PPM1L: variants seen among roughly 807,000 people sequenced by gnomAD.
The protein encoded by PPM1L is protein phosphatase 1L.
In PPM1L, 13 loss-of-function variants were observed where a neutral mutation model predicts 31.4. The ratio of observed to expected loss-of-function variants is 0.41; its 90% CI spans 0.27 to 0.66. The LOEUF (loss-of-function observed/expected upper bound fraction) is 0.66, where lower values mean the gene tolerates loss of function less well. PPM1L is among the 30% of genes least tolerant of loss of function. The pLI, the probability that PPM1L is intolerant of heterozygous loss-of-function variation, is 0.29. For missense variants in PPM1L, 326 were observed against 453.7 expected (o/e 0.72, Z 2.56); for synonymous variants, 184 against 175.4 (o/e 1.05, Z -0.39).
chr3:161,037,558 G>A (rs1718781558), intron 2 of PPM1L, among the ~76,000 whole-genome samples: 1 of 151,248 alleles, frequency 6.6e-6, no homozygotes, highest in South Asian at 2.1e-4. Flanking sequence ...GGGATTACAG[G>A]CATGCGCCAC....
chr3:160,815,580 A>G (rs917791789), intron 1 of PPM1L, among the ~76,000 whole-genome samples: 8 of 152,162 alleles, frequency 5.3e-5, no homozygotes, highest in Non-Finnish European at 1.0e-4. Flanking sequence ...TCCAGGAACA[A>G]TGATTAGCAT....
chr3:160,792,098 T>C (rs927663472), intron 1 of PPM1L, among the ~76,000 whole-genome samples: 2 of 152,160 alleles, frequency 1.3e-5, no homozygotes, highest in Non-Finnish European at 2.9e-5. Flanking sequence ...CATAATACTA[T>C]CCTTTGAGGG....
chr3:161,034,641 A>G (rs1019852384), intron 2 of PPM1L, among the ~76,000 whole-genome samples: 1 of 151,416 alleles, frequency 6.6e-6, no homozygotes, highest in South Asian at 2.1e-4. Context: ...GAGTCAAACA[A>G]TGAGAACACA....
chr3:161,057,463 A>T (rs1037888), intron 2 of PPM1L, among the ~76,000 whole-genome samples: 95,767 of 151,888 alleles, frequency 0.63, 32,521 homozygotes, highest in East Asian at 0.97. Flanking sequence ...TTCATTGTCA[A>T]CTTTATTGTT....
chr3:161,072,150 A>G lies in PPM1L; in HGVS notation c.*2993A>G, dbSNP rs995460896. On this transcript the variant is annotated 3_prime_UTR_variant, in exon 4 of 4. Coordinates refer to ENST00000498165, the MANE Select transcript of PPM1L (RefSeq NM_139245.4). Reference sequence around the variant, plus strand: ...GGGACAGCTAGGGAAATTTTTTTTAATTAATTGTATCTAAAATTCTTTCAT... The same window carrying G: ...GGGACAGCTAGGGAAATTTTTTTTAGTTAATTGTATCTAAAATTCTTTCAT... The G allele has an allele frequency of 1.3e-5, 2 of 151,350 alleles. No individual in the cohort carries two copies. The highest frequency in any genetic ancestry group is 2.9e-5 in the Non-Finnish European group (2 of 68,036). The allele number at this position is 151,350 out of a possible 1,614,324, so 9.4% of individuals were successfully genotyped here.
At chr3:161,023,360 T>C (rs886461249) in intron 2 of PPM1L, among the ~76,000 whole-genome samples, 1 of 152,138 alleles carries the variant, frequency 6.6e-6, no homozygotes, top group Non-Finnish European at 1.5e-5. Flanking sequence ...GAATCCTATA[T>C]ATGTTGTTGC....
chr3:160,885,455 T>C (rs1410411643), intron 1 of PPM1L, among the ~76,000 whole-genome samples: 1 of 152,134 alleles, frequency 6.6e-6, no homozygotes, highest in Non-Finnish European at 1.5e-5. Context: ...CAAACAGTGG[T>C]GATTGGAGAC....
chr3:160,967,163 C>T (rs953053643), intron 2 of PPM1L, among the ~76,000 whole-genome samples: 7 of 151,928 alleles, frequency 4.6e-5, no homozygotes, highest in South Asian at 4.1e-4. Context: ...ATGCTCTTCT[C>T]GTATGCCACC....
chr3:161,001,035 T>C (rs1717463383), intron 2 of PPM1L, among the ~76,000 whole-genome samples: 1 of 152,236 alleles, frequency 6.6e-6, no homozygotes, highest in South Asian at 2.1e-4. Context: ...ATTTCAAGAA[T>C]ATAACTTGAG....
chr3:160,996,046 C>T (rs1462105877), intron 2 of PPM1L, among the ~76,000 whole-genome samples: 1 of 152,172 alleles, frequency 6.6e-6, no homozygotes. Context: ...AAATGCTCAA[C>T]ATCAGTAGTG....
chr3:161,040,910 AG>A (rs1718887807), intron 2 of PPM1L, among the ~76,000 whole-genome samples: 1 of 152,224 alleles, frequency 6.6e-6, no homozygotes, highest in Non-Finnish European at 1.5e-5. Flanking sequence ...GGCCCTGCAA[AG>A]CTGTCCTTTG....
intron 1 of PPM1L, among the ~76,000 whole-genome samples, chr3:160,880,441 A>G (rs868207274): frequency 3.3e-4 from 50 of 152,252 alleles, no homozygotes; most frequent in South Asian, 2.1e-4. Flanking sequence ...CTGATTGAGT[A>G]TATATATATT....
intron 1 of PPM1L, among the ~76,000 whole-genome samples, chr3:160,771,256 C>A (rs1425166956): frequency 6.6e-6 from 1 of 151,612 alleles, no homozygotes; most frequent in Non-Finnish European, 1.5e-5. Context: ...CTTTCCGGAA[C>A]TTTTCTTTTC....
chr3:160,836,530 T>C lies in PPM1L; in HGVS notation c.399+79823T>C, dbSNP rs113532115. Among the ~76,000 whole-genome samples, 277 of 152,352 alleles carry C rather than the reference T, an allele frequency of 1.8e-3. 2 individuals are homozygous for C. Among genetic ancestry groups the C allele is most frequent in the Non-Finnish European group, 3.3e-3 (223 of 68,038 alleles). The stretch of plus-strand genomic sequence containing the variant: ...CAATTGAATTTTTCAGTCTCTAAAA[T>C]TTTGGTATCACTGACTCACAGATAC... On this transcript the variant is annotated intron_variant, in intron 1 of 3. Coordinates refer to ENST00000498165, the MANE Select transcript of PPM1L (RefSeq NM_139245.4).
chr3:160,848,621 A>G (rs1376641269), intron 1 of PPM1L, among the ~76,000 whole-genome samples: 4 of 152,096 alleles, frequency 2.6e-5, no homozygotes, highest in Non-Finnish European at 2.9e-5. Flanking sequence ...CTCCCTCTGT[A>G]GTCTCCCTGT....
chr3:161,077,229 A>C lies in PPM1L; in HGVS notation c.*8072A>C, dbSNP rs188876142. The C allele has an allele frequency of 5.3e-5, 8 of 152,344 alleles. No homozygotes were observed. Among genetic ancestry groups the C allele is most frequent in the Admixed American group, 5.2e-4 (8 of 15,304 alleles). 9.4% of individuals were successfully genotyped at this position (152,344 alleles called of 1,614,324 possible). On this transcript the variant is annotated 3_prime_UTR_variant, in exon 4 of 4. Transcript: ENST00000498165. ...CTCACATATAAGAGTAAGTGATATG[A>C]GATTGGGAATTTCTTGCCAACACTC...
chr3:160,870,682 TTA>T, intron 1 of PPM1L: 2 of 152,226 alleles, frequency 1.3e-5, no homozygotes, highest in Non-Finnish European at 2.9e-5. Flanking sequence ...ATCAAAGTCC[TTA>T]AAGTTGTAAT....
At chr3:161,044,872 G>C (rs867426072) in intron 2 of PPM1L, among the ~76,000 whole-genome samples, 1 of 152,096 alleles carries the variant, frequency 6.6e-6, no homozygotes, top group African/African-American at 2.4e-5. Flanking sequence ...ATATTCAGCA[G>C]ACCCATCTCA....
Position 160,969,692 on chromosome 3 carries a change from C to A in PPM1L, c.574+7782C>A, listed in dbSNP as rs547991087. Reference sequence around the variant, plus strand: ...ACCCCATTTCTTAGCTCAAAAGATACCCTCTCCAGGGACTTGTTGACAAGA... The same window carrying A: ...ACCCCATTTCTTAGCTCAAAAGATAACCTCTCCAGGGACTTGTTGACAAGA... On this transcript the variant is annotated intron_variant, in intron 2 of 3. Coordinates refer to ENST00000498165, the MANE Select transcript of PPM1L (RefSeq NM_139245.4). Among the ~76,000 whole-genome samples, 5 of 152,266 alleles carry A rather than the reference C, an allele frequency of 3.3e-5. No homozygotes were observed. The East Asian group carries it at 9.7e-4, about 29-fold the overall frequency.
Sources: gnomAD v4.1 joint callset for allele counts (sites outside exome capture counted in the v4.1 genomes callset) on GRCh38, gnomAD v4.1.1 for gene constraint, MANE v1.5 for transcripts, NCBI Gene and HGNC (gene_info 2026-07-23, HGNC 2026-07-21) for gene names.